Variants in FAM83F observed in about 807,000 individuals in gnomAD.
The protein encoded by FAM83F is scaffolding CK1 anchoring protein F.
FAM83F carries 45 observed loss-of-function variants against 42.9 expected under a neutral mutation model. The observed-to-expected ratio is 1.05, with a 90% confidence interval of 0.83 to 1.35. The LOEUF is 1.35. Ranked by LOEUF, FAM83F falls within the 40% of genes most tolerant of loss-of-function variation. FAM83F has a pLI of 0.00. For synonymous variants in FAM83F, 306 were observed against 298.3 expected (o/e 1.03, Z -0.27); for missense variants, 617 against 695.9 (o/e 0.89, Z 1.28).
rs1428873895 is a variant in FAM83F, at chr22:40,030,719, G to C, written c.*1154G>C. 3 of 152,302 alleles carry C rather than the reference G, an allele frequency of 2.0e-5. No individual in the cohort carries two copies. Among genetic ancestry groups the C allele is most frequent in the Non-Finnish European group, 4.4e-5 (3 of 68,110 alleles). 9.4% of individuals were successfully genotyped at this position (152,302 alleles called of 1,614,324 possible). A position where few individuals can be genotyped will look rare whatever the true frequency, so the allele number is the denominator to read the frequency against. The stretch of plus-strand genomic sequence containing the variant: ...GAGGAGAGTTTGTGAATGGACCTGG[G>C]AGAAATTGCCAAACTGCAGACTCTG... On this transcript the variant is annotated 3_prime_UTR_variant, in exon 5 of 5. Transcript: ENST00000333407.
At position 40,040,304 on chromosome 22, in the gene FAM83F, G is replaced by A. The variant is rs879052307; in HGVS notation, c.*10739G>A. 3 of 152,154 alleles carry A rather than the reference G, an allele frequency of 2.0e-5. No individual in the cohort carries two copies. Among genetic ancestry groups the A allele is most frequent in the Admixed American group, 2.0e-4 (3 of 15,278 alleles). The allele number at this position is 152,154 out of a possible 1,614,324, so 9.4% of individuals were successfully genotyped here. ...TGGAGTCAGACCGCCTAGGTTCAACGATGGGTTAGTTAGCCCTTCAGTGCC... is the reference window on the plus strand; with the variant it reads ...TGGAGTCAGACCGCCTAGGTTCAACAATGGGTTAGTTAGCCCTTCAGTGCC... On this transcript the variant is annotated 3_prime_UTR_variant, in exon 5 of 5. Coordinates refer to ENST00000333407, the MANE Select transcript of FAM83F (RefSeq NM_138435.4).
chr22:40,023,291 G>A lies in FAM83F; in HGVS notation c.1453+1328G>A, dbSNP rs2067532308. Among the ~76,000 whole-genome samples the A allele has an allele frequency of 6.6e-6, 1 of 152,198 alleles. No homozygotes were observed. The highest frequency in any genetic ancestry group is 2.4e-5 in the African/African-American group (1 of 41,450). The stretch of plus-strand genomic sequence containing the variant: ...TGGGCACAGCCATGTTCTGTCAGGG[G>A]AGGGGTGGCTGGCCCCATCCCCATT... On this transcript the variant is annotated intron_variant, in intron 4 of 4. Coordinates refer to ENST00000333407, the MANE Select transcript of FAM83F (RefSeq NM_138435.4). The surrounding 1 kb of genome is among the most constrained non-coding windows in gnomAD (Gnocchi z 4.1).
chr22:40,021,837 T>C lies in FAM83F; in HGVS notation c.1327T>C (p.Phe443Leu), dbSNP rs1272558906. 2 of 1,612,390 alleles carry C rather than the reference T, an allele frequency of 1.2e-6. No individual in the cohort carries two copies. The highest frequency in any genetic ancestry group is 1.7e-6 in the Non-Finnish European group (2 of 1,179,678). The change falls in exon 4 of 5, where the codon TTC (phenylalanine) becomes CTC (leucine). Residue 443 changes from phenylalanine to leucine, a missense_variant. By Grantham distance (22) the Phe-to-Leu change is conservative. Transcript: ENST00000333407. This position sits in a 1 kb window ranked among gnomAD's most constrained non-coding sequence, Gnocchi z 8.7. ...CGCCAGGCGCTTCAGCAGCAGGCTC[T>C]TCAGTCGCCGAGCCAAGAGGCCTGC... is the stretch of plus-strand genomic sequence containing the variant. ...APARRFSSRLFSRRAKRPAAP... is the reference protein window; with the variant it reads ...APARRFSSRLLSRRAKRPAAP...
In FAM83F at chr22:40,032,832, G is replaced by A. The variant is rs1474009667; in HGVS notation, c.*3267G>A. On this transcript the variant is annotated 3_prime_UTR_variant, in exon 5 of 5. Transcript: ENST00000333407. Reference sequence around the variant, plus strand: ...GATCCGCCCGCCTTGGCCTCCCAAAGTGCTGGGATTACAGGCCACCGTACC... The same window carrying A: ...GATCCGCCCGCCTTGGCCTCCCAAAATGCTGGGATTACAGGCCACCGTACC... 1 of 152,006 alleles carries A rather than the reference G, an allele frequency of 6.6e-6. No individual in the cohort carries two copies. Among genetic ancestry groups the A allele is most frequent in the Non-Finnish European group, 1.5e-5 (1 of 67,986 alleles). 9.4% of individuals were successfully genotyped at this position (152,006 alleles called of 1,614,324 possible).
chr22:40,028,881 G>A (rs571654762), intron 4 of FAM83F, among the ~76,000 whole-genome samples: 3 of 152,330 alleles, frequency 2.0e-5, no homozygotes, highest in Admixed American at 1.3e-4. Context: ...CAGCCTAGGC[G>A]GCCTGTGGCG....
intron 1 of FAM83F, 136 bp from the exon 2 acceptor site, chr22:40,019,032 C>T (rs2067505459): frequency 9.8e-7 from 1 of 1,018,104 alleles, no homozygotes; most frequent in Non-Finnish European, 1.4e-6. Context: ...GGACGTGGAA[C>T]TCCAGGAATG....
chr22:39,997,802 C>T (rs1189367961), intron 1 of FAM83F: 1 of 152,170 alleles, frequency 6.6e-6, no homozygotes. Context: ...GGCAACCACC[C>T]CCAAGGAAGC....
At position 40,034,246 on chromosome 22, in the gene FAM83F, C is replaced by A. The variant is rs1378625340; in HGVS notation, c.*4681C>A. 6.6e-6 allele frequency: 1 copy of A among 152,294 alleles called. No homozygotes were observed. Among genetic ancestry groups the A allele is most frequent in the Non-Finnish European group, 1.5e-5 (1 of 68,070 alleles). The allele number at this position is 152,294 out of a possible 1,614,324, so 9.4% of individuals were successfully genotyped here. ...CTGGCAGTGCGCCACACTCCTGCCT[C>A]CCTGCCCAAAGGACGTAGTGGCTGC... On this transcript the variant is annotated 3_prime_UTR_variant, in exon 5 of 5. Transcript: ENST00000333407.
intron 1 of FAM83F, among the ~76,000 whole-genome samples, chr22:39,996,657 T>C (rs1601759967): frequency 6.6e-6 from 1 of 152,120 alleles, no homozygotes; most frequent in East Asian, 1.9e-4. Flanking sequence ...TGAAGAGGCC[T>C]GAGGAGGGAA....
chr22:40,028,592 T>C (rs1043846318), intron 4 of FAM83F, among the ~76,000 whole-genome samples: 2 of 151,980 alleles, frequency 1.3e-5, no homozygotes, highest in African/African-American at 4.8e-5. Context: ...CTGCACTCCC[T>C]CCGGAGGTCC....
chr22:40,042,417 C>G lies in FAM83F; in HGVS notation c.*12852C>G, dbSNP rs2067655703. Reference sequence around the variant, plus strand: ...AAATGTCGTAGGTCACCACACATCACCAGTCTCTTGCCTAGCTAACCGTAA... The same window carrying G: ...AAATGTCGTAGGTCACCACACATCAGCAGTCTCTTGCCTAGCTAACCGTAA... On this transcript the variant is annotated 3_prime_UTR_variant, in exon 5 of 5. Coordinates refer to ENST00000333407, the MANE Select transcript of FAM83F (RefSeq NM_138435.4). 6.6e-6 allele frequency: 1 copy of G among 152,004 alleles called. No homozygotes were observed. Among genetic ancestry groups the G allele is most frequent in the African/African-American group, 2.4e-5 (1 of 41,242 alleles). 9.4% of individuals were successfully genotyped at this position (152,004 alleles called of 1,614,324 possible).
At position 40,032,949 on chromosome 22, in the gene FAM83F, CCAT is replaced by C. The variant is rs1237610871; in HGVS notation, c.*3385_*3387del. On this transcript the variant is annotated 3_prime_UTR_variant, in exon 5 of 5. Coordinates refer to ENST00000333407, the MANE Select transcript of FAM83F (RefSeq NM_138435.4). ...TTGAGCACCTACTATATGCCAGTCA[CCAT>C]GCTAGATGCTTTAGTAACATGAAGG... 1 of 152,094 alleles carries C rather than the reference CCAT, an allele frequency of 6.6e-6. No homozygotes were observed. Among genetic ancestry groups the C allele is most frequent in the Non-Finnish European group, 1.5e-5 (1 of 68,030 alleles). 9.4% of individuals were successfully genotyped at this position (152,094 alleles called of 1,614,324 possible).
intron 4 of FAM83F, among the ~76,000 whole-genome samples, chr22:40,028,693 G>A (rs550657968): frequency 2.3e-4 from 35 of 152,348 alleles, no homozygotes; most frequent in Admixed American, 7.2e-4. Context: ...GGGAAGAAGA[G>A]AAATCAGCTT....
At chr22:40,027,592 CGTG>C (rs2067561341) in intron 4 of FAM83F, among the ~76,000 whole-genome samples, 1 of 152,108 alleles carries the variant, frequency 6.6e-6, no homozygotes, top group South Asian at 2.1e-4. Flanking sequence ...ACTCCCCACA[CGTG>C]GTCAGCTCCC....
rs2067634448 is a variant in FAM83F, at chr22:40,037,891, A to G, written c.*8326A>G. ...CACCACCCTGCCCAGCTAATTAAAA[A>G]AAAAACTTTAGGGATGGGGTCTTGC... On this transcript the variant is annotated 3_prime_UTR_variant, in exon 5 of 5. Transcript: ENST00000333407. 6.6e-6 allele frequency: 1 copy of G among 152,046 alleles called. No individual in the cohort carries two copies. Among genetic ancestry groups the G allele is most frequent in the African/African-American group, 2.4e-5 (1 of 41,384 alleles). 9.4% of individuals were successfully genotyped at this position (152,046 alleles called of 1,614,324 possible).
chr22:40,019,407 T>TC, intron 2 of FAM83F, 72 bp downstream of exon 2: 2 of 1,438,810 alleles, frequency 1.4e-6, no homozygotes, highest in Non-Finnish European at 9.6e-7. Context: ...GTCCTGCAGC[T>TC]CCCCCCTGCC....
chr22:39,995,387 G>C lies in FAM83F; in HGVS notation c.345G>C (p.Glu115Asp). ...LAYWPDRSDT[E>D]VPPLDLGWTD... ...ACTGGCCCGACCGTTCCGACACCGA[G>C]GTGCCTCCTCTGGACCTGGGCTGGA... Residue 115 changes from glutamate (E) to aspartate (D), a missense_variant, in exon 1 of 5, where the codon GAG (glutamate) becomes GAC (aspartate). By Grantham distance (45) the Glu-to-Asp change is conservative. Coordinates refer to ENST00000333407, the MANE Select transcript of FAM83F (RefSeq NM_138435.4). This position sits in a 1 kb window ranked among gnomAD's most constrained non-coding sequence, Gnocchi z 4.6. 1 of 1,547,512 alleles carries C rather than the reference G, an allele frequency of 6.5e-7. No homozygotes were observed. The highest frequency in any genetic ancestry group is 1.2e-5 in the South Asian group (1 of 84,070).
rs150401127 is a variant in FAM83F at position 40,022,267 on chromosome 22, G to A, written c.1453+304G>A. Among the ~76,000 whole-genome samples, 9 of 152,362 alleles carry A rather than the reference G, an allele frequency of 5.9e-5. 1 individual carries two copies. The highest frequency in any genetic ancestry group is 1.2e-4 in the Non-Finnish European group (8 of 68,046). ...AGAGCTTCTAATGCTACTGCTAGAAGGCATTCAGATCAGCCCTCATGGTAA... is the reference window on the plus strand; with the variant it reads ...AGAGCTTCTAATGCTACTGCTAGAAAGCATTCAGATCAGCCCTCATGGTAA... On this transcript the variant is annotated intron_variant, in intron 4 of 4. Transcript: ENST00000333407.
chr22:40,024,575 A>G (rs987526177), intron 4 of FAM83F, among the ~76,000 whole-genome samples: 2 of 152,168 alleles, frequency 1.3e-5, no homozygotes, highest in African/African-American at 4.8e-5. Flanking sequence ...TCAATTCGGG[A>G]CACATTGCTC....
Sources: allele counts gnomAD v4.1 joint callset (sites outside exome capture counted in the v4.1 genomes callset), GRCh38; gene constraint gnomAD v4.1.1; non-coding constraint Gnocchi (gnomAD v3.1); transcripts MANE v1.5; gene names NCBI Gene and HGNC (gene_info 2026-07-23, HGNC 2026-07-21).